Variants in RPH3A observed in about 807,000 individuals in gnomAD.
RPH3A encodes rabphilin 3A.
In RPH3A, 48 loss-of-function variants were observed where a neutral mutation model predicts 102.2. The observed-to-expected ratio is 0.47, with a 90% CI of 0.37 to 0.60. The LOEUF is 0.60. Among genes scored for constraint, RPH3A ranks in the 20% least tolerant of loss-of-function variants. RPH3A has a pLI of 0.00. For missense variants in RPH3A, 781 were observed against 910.1 expected (o/e 0.86, Z 1.83); for synonymous variants, 310 against 324.3 (o/e 0.96, Z 0.47).
At chr12:112,836,625 T>C in intron 4 of RPH3A, 123 bp downstream of exon 4, 1 of 366,870 alleles carries the variant, frequency 2.7e-6, no homozygotes, top group Non-Finnish European at 4.7e-6. Flanking sequence ...ATTTTAAACA[T>C]TTTTTTAAAA....
intron 2 of RPH3A, among the ~76,000 whole-genome samples, chr12:112,814,388 T>C (rs1565896391): frequency 6.6e-6 from 1 of 152,160 alleles, no homozygotes; most frequent in Non-Finnish European, 1.5e-5. Context: ...CATCACCCTC[T>C]TTATGACAGC....
chr12:112,870,982 G>A (rs994917720), intron 10 of RPH3A, among the ~76,000 whole-genome samples: 8 of 152,198 alleles, frequency 5.3e-5, no homozygotes, highest in South Asian at 2.1e-4. Context: ...ATCCACGTAT[G>A]AGACTTCTGT....
chr12:112,866,976 G>T (rs1054473800), intron 7 of RPH3A, 136 bp downstream of exon 7: 1 of 635,214 alleles, frequency 1.6e-6, no homozygotes, highest in Admixed American at 2.7e-5. Flanking sequence ...GTATTTGGAT[G>T]AATTATTTCT....
intron 2 of RPH3A, among the ~76,000 whole-genome samples, chr12:112,805,694 G>T (rs1455426803): frequency 6.6e-6 from 1 of 152,198 alleles, no homozygotes; most frequent in African/African-American, 2.4e-5. Context: ...ATGCACGTTA[G>T]GGGGCAGTTG....
intron 1 of RPH3A, among the ~76,000 whole-genome samples, chr12:112,631,455 A>G (rs2039804265): frequency 6.6e-6 from 1 of 152,162 alleles, no homozygotes; most frequent in Non-Finnish European, 1.5e-5. Context: ...TAATTCCTCC[A>G]ACTTTTTCTC....
chr12:112,693,676 C>G (rs550546598), intron 1 of RPH3A, among the ~76,000 whole-genome samples: 101 of 152,302 alleles, frequency 6.6e-4, no homozygotes, highest in African/African-American at 2.1e-3. Context: ...CTGGCTCCTT[C>G]TGAGCTTCTG....
At chr12:112,786,695 C>G (rs1250918775) in intron 1 of RPH3A, among the ~76,000 whole-genome samples, 1 of 152,216 alleles carries the variant, frequency 6.6e-6, no homozygotes, top group Admixed American at 6.5e-5. Context: ...GATTGAAGCA[C>G]TGGGTTCTTT....
chr12:112,809,421 G>T (rs1216376288), intron 2 of RPH3A, among the ~76,000 whole-genome samples: 1 of 152,106 alleles, frequency 6.6e-6, no homozygotes, highest in Non-Finnish European at 1.5e-5. Flanking sequence ...GGAGATGACT[G>T]TCCCTGGGAG....
intron 3 of RPH3A, among the ~76,000 whole-genome samples, chr12:112,834,030 A>C (rs1158253229): frequency 1.3e-5 from 2 of 152,210 alleles, no homozygotes; most frequent in African/African-American, 4.8e-5. Context: ...CAGCCATAAA[A>C]ACATGTGTAT....
chr12:112,849,408 A>AGTGTGTGTGTGT (rs35635799), intron 5 of RPH3A, among the ~76,000 whole-genome samples: 1 of 146,722 alleles, frequency 6.8e-6, no homozygotes, highest in Admixed American at 6.8e-5. Flanking sequence ...CCAGACTGGC[A>AGTGTGTGTGTGT]GTGTGTGTGT....
chr12:112,580,573 T>C (rs1440034664), intron 1 of RPH3A, among the ~76,000 whole-genome samples: 1 of 151,680 alleles, frequency 6.6e-6, no homozygotes, highest in Non-Finnish European at 1.5e-5. Flanking sequence ...CCGGCTAATT[T>C]TTTTTTGTAT....
intron 1 of RPH3A, among the ~76,000 whole-genome samples, chr12:112,687,422 GA>G: frequency 6.6e-6 from 1 of 152,222 alleles, no homozygotes; most frequent in East Asian, 1.9e-4. Context: ...GGCCAGTCTG[GA>G]AGTCAAAGAT....
intron 1 of RPH3A, among the ~76,000 whole-genome samples, chr12:112,639,075 T>G (rs1439424122): frequency 6.6e-6 from 1 of 152,174 alleles, no homozygotes; most frequent in Non-Finnish European, 1.5e-5. Flanking sequence ...GGCAATTGCC[T>G]CAATCCCTCT....
At chr12:112,782,213 C>T (rs2041014674) in intron 1 of RPH3A, among the ~76,000 whole-genome samples, 1 of 152,178 alleles carries the variant, frequency 6.6e-6, no homozygotes, top group Non-Finnish European at 1.5e-5. Context: ...TGAGCTAAGC[C>T]CCTGCTTGAT....
At position 112,870,023 on chromosome 12, in the gene RPH3A, C is replaced by T; in HGVS notation, c.780C>T (p.Ser260=). The change falls in exon 10 of 22, where the codon TCC becomes TCT. Residue 260 remains serine (S), a synonymous_variant. Transcript: ENST00000389385. ...SWDHSGGAGD[S]SRSPAGLRRA... is the part of the protein sequence containing the mutation. ...ACCACAGTGGGGGTGCTGGAGACTC[C>T]AGCCGGAGCCCAGCAGGTGAGCAAG... is the stretch of plus-strand genomic sequence containing the variant. 6.2e-7 allele frequency: 1 copy of T among 1,613,038 alleles called. No homozygotes were observed. Among genetic ancestry groups the T allele is most frequent in the Non-Finnish European group, 8.5e-7 (1 of 1,179,702 alleles).
chr12:112,588,559 C>T (rs193079669), intron 1 of RPH3A, among the ~76,000 whole-genome samples: 6 of 152,312 alleles, frequency 3.9e-5, no homozygotes, highest in Middle Eastern at 3.4e-3. Context: ...CAATTCAAGA[C>T]GACATTTGGG....
rs553095754 is a variant in RPH3A, at chr12:112,752,293, A to G, written c.-139-39850A>G. ...TATGGCTCATAGAAAGGATTTTTTC[A>G]TAACCTTTGTTTGTTTCTCATTACT... On this transcript the variant is annotated intron_variant, in intron 1 of 21. Coordinates refer to the RPH3A transcript ENST00000543106. 2.0e-5 allele frequency among the ~76,000 whole-genome samples: 3 copies of G among 152,300 alleles called. No individual in the cohort carries two copies. The South Asian group carries it at 6.2e-4, about 32-fold the overall frequency.
chr12:112,636,837 C>T (rs1378993063), intron 1 of RPH3A, among the ~76,000 whole-genome samples: 1 of 152,116 alleles, frequency 6.6e-6, no homozygotes, highest in East Asian at 1.9e-4. Context: ...ATAAAGACCC[C>T]CAAAATACCC....
chr12:112,680,989 C>T (rs1417210165), intron 1 of RPH3A, among the ~76,000 whole-genome samples: 1 of 152,072 alleles, frequency 6.6e-6, no homozygotes, highest in African/African-American at 2.4e-5. Context: ...TGCTCCCAAA[C>T]CGTTATTTGG....
Sources: allele counts gnomAD v4.1 joint callset (sites outside exome capture counted in the v4.1 genomes callset), GRCh38; gene constraint gnomAD v4.1.1; transcripts MANE v1.5; gene names NCBI Gene and HGNC (gene_info 2026-07-23, HGNC 2026-07-21).